Variants in NAV3 observed in about 807,000 individuals in gnomAD.
NAV3 encodes the protein neuron navigator 3.
Under a neutral mutation model 244.7 loss-of-function variants are expected in NAV3, and 87 were observed. That is an observed-to-expected ratio of 0.36 (90% confidence interval 0.30 to 0.42). The LOEUF (loss-of-function observed/expected upper bound fraction) is 0.42, where lower values mean the gene tolerates loss of function less well. Ranked by LOEUF, NAV3 falls within the 20% of genes least tolerant of loss-of-function variation. The probability of loss-of-function intolerance (pLI) is 1.00; values close to 1 mark genes in which losing one functional copy is unlikely to be tolerated. For synonymous variants in NAV3, 1,126 were observed against 1,042.2 expected (o/e 1.08, Z -1.55); for missense variants, 2,663 against 2,893.3 (o/e 0.92, Z 1.83).
rs199992968 is a variant in NAV3 at position 78,047,975 on chromosome 12, A to G, written c.2024-2018A>G. Reference sequence around the variant, plus strand: ...AGTAAGTTCATCTTCAATCTCGGATATCCTTCCTTCCCCTCTATCTATTTG... The same window carrying G: ...AGTAAGTTCATCTTCAATCTCGGATGTCCTTCCTTCCCCTCTATCTATTTG... On this transcript the variant is annotated intron_variant, in intron 9 of 39. Transcript: ENST00000397909. Among the ~76,000 whole-genome samples the G allele has an allele frequency of 1.3e-4, 19 of 151,984 alleles. No individual in the cohort carries two copies. In the East Asian group the frequency reaches 2.7e-3, roughly 22 times the overall value.
chr12:77,719,968 T>C (rs1405899234), intron 2 of NAV3, among the ~76,000 whole-genome samples: 1 of 152,174 alleles, frequency 6.6e-6, no homozygotes, highest in Non-Finnish European at 1.5e-5. Flanking sequence ...TATTACTGAT[T>C]CAATGTCTTA....
At chr12:77,847,345 A>G (rs903152416) in intron 1 of NAV3, among the ~76,000 whole-genome samples, 5 of 152,240 alleles carry the variant, frequency 3.3e-5, no homozygotes, top group African/African-American at 1.2e-4. Flanking sequence ...CAAGATAACA[A>G]AACATTTTAA....
chr12:77,794,421 A>C (rs1439261409), intron 2 of NAV3, among the ~76,000 whole-genome samples: 2 of 152,172 alleles, frequency 1.3e-5, no homozygotes, highest in East Asian at 3.9e-4. Context: ...CTACACCCTT[A>C]CCAGTCTCTA....
chr12:77,726,767 A>C (rs897615450), intron 2 of NAV3, among the ~76,000 whole-genome samples: 1 of 151,880 alleles, frequency 6.6e-6, no homozygotes, highest in Admixed American at 6.6e-5. Context: ...AACAACAAAA[A>C]GAGCACTAGT....
intron 2 of NAV3, among the ~76,000 whole-genome samples, chr12:77,599,684 T>C (rs1870333794): frequency 2.0e-5 from 3 of 151,892 alleles, no homozygotes; most frequent in South Asian, 4.1e-4. Flanking sequence ...TCAGTTATCA[T>C]AGGTTCCTTA....
At chr12:77,593,425 C>G (rs1042166147) in intron 2 of NAV3, among the ~76,000 whole-genome samples, 80 of 151,390 alleles carry the variant, frequency 5.3e-4, no homozygotes, top group African/African-American at 1.7e-3. Context: ...GTGGTGTTCT[C>G]CCTTGTGTTT....
intron 2 of NAV3, among the ~76,000 whole-genome samples, chr12:77,613,147 C>T (rs1565736961): frequency 6.6e-6 from 1 of 152,140 alleles, no homozygotes; most frequent in African/African-American, 2.4e-5. Context: ...TCTGCCTTAG[C>T]AGCAATTATC....
At chr12:78,148,724 C>A in intron 21 of NAV3, 118 bp from the exon 22 acceptor site, 2 of 769,520 alleles carry the variant, frequency 2.6e-6, no homozygotes, top group Non-Finnish European at 4.2e-6. Flanking sequence ...TCAGGAGTTG[C>A]TGCTGATACA....
intron 2 of NAV3, among the ~76,000 whole-genome samples, chr12:77,673,489 T>C (rs1785131720): frequency 6.6e-6 from 1 of 152,170 alleles, no homozygotes; most frequent in Admixed American, 6.6e-5. Context: ...ACTTCCTACA[T>C]TTATTTTAAA....
At chr12:77,937,844 A>G (rs1234347836) in intron 1 of NAV3, among the ~76,000 whole-genome samples, 2 of 152,200 alleles carry the variant, frequency 1.3e-5, no homozygotes, top group Non-Finnish European at 1.5e-5. Context: ...ATGCCATGTG[A>G]TGATAATAAT....
intron 2 of NAV3, among the ~76,000 whole-genome samples, chr12:77,766,595 T>A (rs567141906): frequency 5.9e-5 from 9 of 152,248 alleles, no homozygotes; most frequent in African/African-American, 2.2e-4. Flanking sequence ...AATAAAAGGA[T>A]AGTTACAGGG....
At chr12:77,597,177 A>G (rs1395994376) in intron 2 of NAV3, among the ~76,000 whole-genome samples, 3 of 152,082 alleles carry the variant, frequency 2.0e-5, no homozygotes, top group African/African-American at 7.2e-5. Flanking sequence ...GGAGTCCTGA[A>G]CTAAAGTAAC....
rs147101115 is a variant in NAV3 at position 77,624,682 on chromosome 12, A to G, written c.72+52416A>G. ...AGAGAGAGAGAGAAGAATGACTCCA[A>G]AGTTTATACATTTTCTTCAATTTAT... On this transcript the variant is annotated intron_variant, in intron 2 of 8. Coordinates refer to the NAV3 transcript ENST00000550042. Among the ~76,000 whole-genome samples the G allele has an allele frequency of 1.2e-3, 179 of 152,288 alleles. 1 individual carries two copies. Among genetic ancestry groups the G allele is most frequent in the African/African-American group, 3.9e-3 (164 of 41,564 alleles).
intron 2 of NAV3, among the ~76,000 whole-genome samples, chr12:77,713,803 G>A (rs959827239): frequency 6.6e-6 from 1 of 152,030 alleles, no homozygotes; most frequent in African/African-American, 2.4e-5. Flanking sequence ...TAGACACTGT[G>A]CATCTGAATC....
intron 20 of NAV3, chr12:78,143,335 GT>G: frequency 2.2e-6 from 1 of 451,498 alleles, no homozygotes. Flanking sequence ...TTTTGTGTTT[GT>G]TTTGAAATCT....
chr12:78,188,730 G>A lies in NAV3; in HGVS notation c.6008G>A (p.Cys2003Tyr), dbSNP rs374093441. The change falls in exon 33 of 40, where the codon TGT (cysteine) becomes TAT (tyrosine). Residue 2003 changes from cysteine to tyrosine, a missense_variant. This residue lies in a region of NAV3 where 543 missense variants were observed against 672.4 expected (regional missense o/e 0.81). Transcript: ENST00000397909. ...CTAGAAGTGCCTGAATTGCTGCCTTGTGGATACCTTGTTGGAGATAATAAC... is the reference window on the plus strand; with the variant it reads ...CTAGAAGTGCCTGAATTGCTGCCTTATGGATACCTTGTTGGAGATAATAAC... The part of the protein sequence containing the change: ...HNLEVPELLP[C>Y]GYLVGDNNII... 5.0e-6 allele frequency: 8 copies of A among 1,612,308 alleles called. No homozygotes were observed. In the South Asian group the frequency reaches 8.8e-5, roughly 18 times the overall value.
intron 2 of NAV3, among the ~76,000 whole-genome samples, chr12:77,648,282 A>G (rs1049679889): frequency 1.3e-5 from 2 of 152,036 alleles, no homozygotes; most frequent in Admixed American, 6.6e-5. Flanking sequence ...CCTGATCTTT[A>G]TTATCTTTTC....
intron 2 of NAV3, among the ~76,000 whole-genome samples, chr12:77,742,596 C>G (rs531202967): frequency 6.6e-6 from 1 of 151,874 alleles, no homozygotes; most frequent in African/African-American, 2.4e-5. Context: ...CCATAAAACA[C>G]AAAAAAATTT....
At chr12:77,597,850 A>G (rs1051481092) in intron 2 of NAV3, among the ~76,000 whole-genome samples, 2 of 152,092 alleles carry the variant, frequency 1.3e-5, no homozygotes, top group Admixed American at 6.6e-5. Context: ...ACTACTTTTC[A>G]GGTAAGCATA....
Sources: allele counts gnomAD v4.1 joint callset (sites outside exome capture counted in the v4.1 genomes callset), GRCh38; gene constraint gnomAD v4.1.1; regional missense constraint gnomAD v4.1.1; transcripts MANE v1.5; gene names NCBI Gene and HGNC (gene_info 2026-07-23, HGNC 2026-07-21).